PIANP: variants seen among roughly 807,000 people sequenced by gnomAD.
PIANP encodes PILR alpha-associated neural protein.
PIANP carries 14 observed loss-of-function variants against 28.9 expected under a neutral mutation model. That is an observed-to-expected ratio of 0.49 (90% CI 0.32 to 0.76). The LOEUF (loss-of-function observed/expected upper bound fraction) is 0.76, where lower values mean the gene tolerates loss of function less well. Among genes scored for constraint, PIANP ranks in the 30% least tolerant of loss-of-function variants. The pLI is 0.03. For missense variants in PIANP, 322 were observed against 371.8 expected (o/e 0.87, Z 1.10); for synonymous variants, 149 against 156.6 (o/e 0.95, Z 0.36).
intron 1 of PIANP, among the ~76,000 whole-genome samples, chr12:6,699,372 G>A (rs1959979485): frequency 6.6e-6 from 1 of 152,098 alleles, no homozygotes. Context: ...TGAAGGGCTG[G>A]GAGATGGAAG....
At position 6,695,138 on chromosome 12, in the gene PIANP, G is replaced by A. The variant is rs1226028849; in HGVS notation, c.*288C>T. 11 of 1,517,838 alleles carry A rather than the reference G, an allele frequency of 7.2e-6. No individual in the cohort carries two copies. The highest frequency in any genetic ancestry group is 9.7e-6 in the Non-Finnish European group (11 of 1,130,328). The allele number at this position is 1,517,838 out of a possible 1,614,324, so 94.0% of individuals were successfully genotyped here. A position where few individuals can be genotyped will look rare whatever the true frequency, so the allele number is the denominator to read the frequency against. On this transcript the variant is annotated 3_prime_UTR_variant, in exon 5 of 5. Transcript: ENST00000534837. The surrounding 1 kb of genome is among the most constrained non-coding windows in gnomAD (Gnocchi z 4.2). ...AGGGGAAGTTCAAGACAAAGAGGGG[G>A]AATCAAGGTTAAGAGGGCAGAGTTG...
chr12:6,697,731 G>T lies in PIANP; in HGVS notation c.79C>A (p.Pro27Thr). 1 of 1,556,016 alleles carries T rather than the reference G, an allele frequency of 6.4e-7. No homozygotes were observed. Among genetic ancestry groups the T allele is most frequent in the Non-Finnish European group, 8.7e-7 (1 of 1,153,370 alleles). ...LWPLLLLPLP[P>T]PAQGSSSSPR... ...GAGGATGAAGAGCCCTGAGCAGGCG[G>T]TGGGAGGGGCAGCAACAGCAGTGGC... Residue 27 changes from proline (P) to threonine (T), a missense_variant, in exon 3 of 5, where the codon CCG becomes ACG. Transcript: ENST00000534837. The surrounding 1 kb of genome is among the most constrained non-coding windows in gnomAD (Gnocchi z 6.9).
Position 6,696,401 on chromosome 12 carries a change from A to G in PIANP, c.605+42T>C. On this transcript the variant is annotated intron_variant, in intron 4 of 4. Coordinates refer to ENST00000534837, the MANE Select transcript of PIANP (RefSeq NM_001244014.2). The surrounding 1 kb of genome is among the most constrained non-coding windows in gnomAD (Gnocchi z 4.0). The stretch of plus-strand genomic sequence containing the variant: ...GTGGTTAGAGCCTCGACTGCCAAAC[A>G]TTCCGTCCCCATCCACCAGCACCTT... 6.7e-7 allele frequency: 1 copy of G among 1,492,970 alleles called. No individual in the cohort carries two copies. The highest frequency in any genetic ancestry group is 1.3e-5 in the South Asian group (1 of 76,610). The allele number at this position is 1,492,970 out of a possible 1,614,324, so 92.5% of individuals were successfully genotyped here.
rs900223504 is a variant in PIANP, at chr12:6,696,926, A to G, written c.523+361T>C. 2.0e-5 allele frequency among the ~76,000 whole-genome samples: 3 copies of G among 152,076 alleles called. No individual in the cohort carries two copies. On this transcript the variant is annotated intron_variant, in intron 3 of 4. Transcript: ENST00000534837. The surrounding 1 kb of genome is among the most constrained non-coding windows in gnomAD (Gnocchi z 4.0). Reference sequence around the variant, plus strand: ...ATCTCCCGGGTAGTGCCCTTCATTCATGGCATTCTCTGCCCAGAATACTCC... The same window carrying G: ...ATCTCCCGGGTAGTGCCCTTCATTCGTGGCATTCTCTGCCCAGAATACTCC...
chr12:6,698,569 C>G (rs1204331602), intron 1 of PIANP: 1 of 163,294 alleles, frequency 6.1e-6, no homozygotes, highest in Admixed American at 6.0e-5. Flanking sequence ...CCCTCCCACC[C>G]CTCTGGCAGT....
At chr12:6,698,926 G>A (rs1375918229) in intron 1 of PIANP, among the ~76,000 whole-genome samples, 2 of 152,154 alleles carry the variant, frequency 1.3e-5, no homozygotes, top group African/African-American at 4.8e-5. Flanking sequence ...TAGGATACCC[G>A]TTTCCTGTGG....
rs752734137 is a variant in PIANP at position 6,695,385 on chromosome 12, T to C, written c.*41A>G. 3.5e-6 allele frequency: 5 copies of C among 1,435,754 alleles called. No individual in the cohort carries two copies. The highest frequency in any genetic ancestry group is 2.7e-5 in the Admixed American group (1 of 36,688). 88.9% of individuals were successfully genotyped at this position (1,435,754 alleles called of 1,614,324 possible). On this transcript the variant is annotated 3_prime_UTR_variant, in exon 5 of 5. Transcript: ENST00000534837. This position sits in a 1 kb window ranked among gnomAD's most constrained non-coding sequence, Gnocchi z 4.2. ...CCCACCCCAGCTCTGAAGACCTAAG[T>C]TGCCTTCCCTCTTTGCCCTCCCATC...
chr12:6,694,897 G>A lies in PIANP; in HGVS notation c.*529C>T. ...ATAGGATTGCCCGTGGGGCTGGGGA[G>A]TGTTCCGGGTGGTGTGCAAGGGGCA... On this transcript the variant is annotated 3_prime_UTR_variant, in exon 5 of 5. Coordinates refer to ENST00000534837, the MANE Select transcript of PIANP (RefSeq NM_001244014.2). The surrounding 1 kb of genome is among the most constrained non-coding windows in gnomAD (Gnocchi z 6.1). 3 of 1,041,108 alleles carry A rather than the reference G, an allele frequency of 2.9e-6. No individual in the cohort carries two copies. The highest frequency in any genetic ancestry group is 5.6e-5 in the East Asian group (2 of 36,022). The allele number at this position is 1,041,108 out of a possible 1,614,324, so 64.5% of individuals were successfully genotyped here.
downstream of PIANP, among the ~76,000 whole-genome samples, chr12:6,692,628 C>T (rs1229045361): frequency 6.6e-6 from 1 of 152,194 alleles, no homozygotes; most frequent in Non-Finnish European, 1.5e-5. Context: ...TGAGTTGACT[C>T]CTCAGAAGCT....
At position 6,700,677 on chromosome 12, in the gene PIANP, C is replaced by T. The variant is rs1465268814; in HGVS notation, c.-107G>A. 3 of 136,584 alleles carry T rather than the reference C, an allele frequency of 2.2e-5. No homozygotes were observed. The highest frequency in any genetic ancestry group is 3.1e-5 in the Non-Finnish European group (2 of 63,912). 8.5% of individuals were successfully genotyped at this position (136,584 alleles called of 1,614,324 possible). ...TCGGGACTGAGCGGGGCTGGGGGGT[C>T]GCAGGAGCGGGCGGGGTGCGGGGCA... is the stretch of plus-strand genomic sequence containing the variant. On this transcript the variant is annotated 5_prime_UTR_variant, in exon 1 of 5. Transcript: ENST00000534837. This position sits in a 1 kb window ranked among gnomAD's most constrained non-coding sequence, Gnocchi z 5.5.
At position 6,696,374 on chromosome 12, in the gene PIANP, T is replaced by G; in HGVS notation, c.605+69A>C. 1.7e-6 allele frequency: 2 copies of G among 1,162,102 alleles called. No homozygotes were observed. Among genetic ancestry groups the G allele is most frequent in the Non-Finnish European group, 2.4e-6 (2 of 841,422 alleles). The allele number at this position is 1,162,102 out of a possible 1,614,324, so 72.0% of individuals were successfully genotyped here. A position where few individuals can be genotyped will look rare whatever the true frequency, so the allele number is the denominator to read the frequency against. On this transcript the variant is annotated intron_variant, in intron 4 of 4. Transcript: ENST00000534837. The surrounding 1 kb of genome is among the most constrained non-coding windows in gnomAD (Gnocchi z 4.0). ...CCAGCAAAATTGCTGCCACTGCCCCTCGTGGTTAGAGCCTCGACTGCCAAA... is the reference window on the plus strand; with the variant it reads ...CCAGCAAAATTGCTGCCACTGCCCCGCGTGGTTAGAGCCTCGACTGCCAAA...
At chr12:6,693,067 G>C (rs1959736619), downstream of PIANP, among the ~76,000 whole-genome samples, 1 of 152,062 alleles carries the variant, frequency 6.6e-6, no homozygotes, top group South Asian at 2.1e-4. Flanking sequence ...CATAGCAATA[G>C]AGCCTAGCAA....
chr12:6,692,791 T>A (rs1402236007), downstream of PIANP, among the ~76,000 whole-genome samples: 2 of 152,130 alleles, frequency 1.3e-5, no homozygotes, highest in African/African-American at 4.8e-5. Flanking sequence ...TTCCTGGCAC[T>A]CAGCATTATG....
chr12:6,697,139 G>A lies in PIANP; in HGVS notation c.523+148C>T. On this transcript the variant is annotated intron_variant, in intron 3 of 4. Transcript: ENST00000534837. The surrounding 1 kb of genome is among the most constrained non-coding windows in gnomAD (Gnocchi z 6.9). ...CTGCTCCAGTGGACCTGAACTCCGA[G>A]AGGGTGTCTTTATCTCTGCATCCTG... 8.4e-7 allele frequency: 1 copy of A among 1,184,118 alleles called. No individual in the cohort carries two copies. The highest frequency in any genetic ancestry group is 1.2e-6 in the Non-Finnish European group (1 of 860,452). 73.4% of individuals were successfully genotyped at this position (1,184,118 alleles called of 1,614,324 possible).
chr12:6,695,262 AG>A lies in PIANP; in HGVS notation c.*163del. The A allele has an allele frequency of 2.1e-6, 3 of 1,401,058 alleles. No individual in the cohort carries two copies. Among genetic ancestry groups the A allele is most frequent in the Non-Finnish European group, 2.8e-6 (3 of 1,070,868 alleles). The allele number at this position is 1,401,058 out of a possible 1,614,324, so 86.8% of individuals were successfully genotyped here. On this transcript the variant is annotated 3_prime_UTR_variant, in exon 5 of 5. Transcript: ENST00000534837. This position sits in a 1 kb window ranked among gnomAD's most constrained non-coding sequence, Gnocchi z 4.2. ...AGATCCTGAGAGACTGGGAGAAGGAAGGGTGCCTCCCAGAGAGGAGCTGGTC... is the reference window on the plus strand; with the variant it reads ...AGATCCTGAGAGACTGGGAGAAGGAAGGTGCCTCCCAGAGAGGAGCTGGTC...
In PIANP at chr12:6,695,344, C is replaced by T. The variant is rs1303825704; in HGVS notation, c.*82G>A. ...GAGGCCACGCCTGCCTCCTCACTAC[C>T]CATCCAGAGGGCACCCCCACCCCAG... On this transcript the variant is annotated 3_prime_UTR_variant, in exon 5 of 5. Coordinates refer to ENST00000534837, the MANE Select transcript of PIANP (RefSeq NM_001244014.2). This position sits in a 1 kb window ranked among gnomAD's most constrained non-coding sequence, Gnocchi z 4.2. 3 of 1,404,500 alleles carry T rather than the reference C, an allele frequency of 2.1e-6. No homozygotes were observed. Among genetic ancestry groups the T allele is most frequent in the Admixed American group, 6.2e-5 (2 of 32,420 alleles). 87.0% of individuals were successfully genotyped at this position (1,404,500 alleles called of 1,614,324 possible).
rs7953855 is a variant in PIANP at position 6,694,690 on chromosome 12, C to T, written c.*736G>A. 7,538 of 269,804 alleles carry T rather than the reference C, an allele frequency of 0.028. 126 individuals are homozygous for T. The highest frequency in any genetic ancestry group is 0.045 in the Admixed American group (867 of 19,220). 16.7% of individuals were successfully genotyped at this position (269,804 alleles called of 1,614,324 possible). A position where few individuals can be genotyped will look rare whatever the true frequency, so the allele number is the denominator to read the frequency against. On this transcript the variant is annotated 3_prime_UTR_variant, in exon 5 of 5. Coordinates refer to ENST00000534837, the MANE Select transcript of PIANP (RefSeq NM_001244014.2). The surrounding 1 kb of genome is among the most constrained non-coding windows in gnomAD (Gnocchi z 6.1). ...GGAAGGAGAGAGTGCAAATGTGAGA[C>T]GAGAGAACATGAGAGTCAGCTGAGC... is the stretch of plus-strand genomic sequence containing the variant.
Position 6,695,112 on chromosome 12 carries a change from A to C in PIANP, c.*314T>G. 5 of 1,547,112 alleles carry C rather than the reference A, an allele frequency of 3.2e-6. No individual in the cohort carries two copies. The highest frequency in any genetic ancestry group is 4.4e-6 in the Non-Finnish European group (5 of 1,146,112). ...GGAACCAAGGGGTAGGCCAGAATAG[A>C]AGGGGAAGTTCAAGACAAAGAGGGG... On this transcript the variant is annotated 3_prime_UTR_variant, in exon 5 of 5. Coordinates refer to ENST00000534837, the MANE Select transcript of PIANP (RefSeq NM_001244014.2). The surrounding 1 kb of genome is among the most constrained non-coding windows in gnomAD (Gnocchi z 4.2).
rs1252898297 is a variant in PIANP at position 6,695,821 on chromosome 12, A to G, written c.606-170T>C. Among the ~76,000 whole-genome samples, 1 of 152,010 alleles carries G rather than the reference A, an allele frequency of 6.6e-6. No homozygotes were observed. Among genetic ancestry groups the G allele is most frequent in the East Asian group, 1.9e-4 (1 of 5,170 alleles). ...AATCCCCTGGGACTCTGTGCCCATAAAGCCACTTCCCCTGCCCTCTAGGGG... is the reference window on the plus strand; with the variant it reads ...AATCCCCTGGGACTCTGTGCCCATAGAGCCACTTCCCCTGCCCTCTAGGGG... On this transcript the variant is annotated intron_variant, in intron 4 of 4. Transcript: ENST00000534837. This position sits in a 1 kb window ranked among gnomAD's most constrained non-coding sequence, Gnocchi z 4.2.
Sources: gnomAD v4.1 joint callset for allele counts (sites outside exome capture counted in the v4.1 genomes callset) on GRCh38, gnomAD v4.1.1 for gene constraint, Gnocchi (gnomAD v3.1) non-coding constraint, MANE v1.5 for transcripts, NCBI Gene and HGNC (gene_info 2026-07-23, HGNC 2026-07-21) for gene names.